Variants in CDH12 observed in about 807,000 individuals in gnomAD.
CDH12 encodes the protein cadherin 12.
A neutral mutation model predicts 74.1 loss-of-function variants in CDH12; 41 were observed. That is an observed-to-expected ratio of 0.55 (90% confidence interval 0.43 to 0.72). The LOEUF (loss-of-function observed/expected upper bound fraction) is 0.72. Ranked by LOEUF, CDH12 falls within the 30% of genes least tolerant of loss-of-function variation. The pLI is 0.00. For synonymous variants in CDH12, 399 were observed against 355.0 expected, an observed-to-expected ratio of 1.12 and a Z score of -1.39; for missense variants, 945 against 977.2, an observed-to-expected ratio of 0.97 and a Z score of 0.44.
rs77887874 is a variant in CDH12, at chr5:22,066,918, C to A, written c.231+11528G>T. ...ACTGCAACTGTTTTGCCAGATGTGG[C>A]TTCATTGCTTGAGAGAATCAGCACA... On this transcript the variant is annotated intron_variant, in intron 5 of 14. Coordinates refer to ENST00000382254, the MANE Select transcript of CDH12 (RefSeq NM_004061.5). Among the ~76,000 whole-genome samples, 426 of 152,250 alleles carry A rather than the reference C, an allele frequency of 2.8e-3. 20 individuals carry two copies. The East Asian group carries it at 0.076, about 27-fold the overall frequency.
At chr5:21,846,996 A>T (rs1750208582) in intron 7 of CDH12, among the ~76,000 whole-genome samples, 1 of 152,144 alleles carries the variant, frequency 6.6e-6, no homozygotes, top group African/African-American at 2.4e-5. Flanking sequence ...TGAGGTTTAT[A>T]GTTCAAAGGA....
intron 6 of CDH12, among the ~76,000 whole-genome samples, chr5:21,899,019 A>G (rs1053686380): frequency 6.6e-5 from 10 of 152,154 alleles, no homozygotes; most frequent in Non-Finnish European, 1.5e-4. Context: ...TCACCTCGCC[A>G]ATATGGTCTT....
At chr5:22,042,195 T>TA (rs938087921) in intron 5 of CDH12, among the ~76,000 whole-genome samples, 15 of 150,938 alleles carry the variant, frequency 9.9e-5, no homozygotes, top group South Asian at 2.1e-4. Flanking sequence ...ATGCCTACAT[T>TA]AAAAAAAAAT....
intron 6 of CDH12, among the ~76,000 whole-genome samples, chr5:21,892,174 T>A (rs1019647706): frequency 6.6e-6 from 1 of 152,194 alleles, no homozygotes; most frequent in Non-Finnish European, 1.5e-5. Context: ...ATGCATAACA[T>A]TTTTTAAATG....
intron 3 of CDH12, among the ~76,000 whole-genome samples, chr5:22,332,836 G>A (rs1739406146): frequency 6.6e-6 from 1 of 152,120 alleles, no homozygotes; most frequent in African/African-American, 2.4e-5. Flanking sequence ...GTGAGGATGT[G>A]GAGAAATAGG....
chr5:22,548,119 T>C (rs911878147), intron 1 of CDH12, among the ~76,000 whole-genome samples: 3 of 152,204 alleles, frequency 2.0e-5, no homozygotes, highest in Non-Finnish European at 4.4e-5. Flanking sequence ...TACAGGTTCA[T>C]TTGTTATTTG....
intron 6 of CDH12, among the ~76,000 whole-genome samples, chr5:21,878,885 AAAAG>A (rs1752091207): frequency 1.3e-5 from 2 of 151,288 alleles, no homozygotes; most frequent in South Asian, 2.1e-4. Context: ...GAAAGAAAGA[AAAAG>A]AAAGAAGAAA....
chr5:22,826,755 G>C (rs999724956), intron 1 of CDH12, among the ~76,000 whole-genome samples: 3 of 152,182 alleles, frequency 2.0e-5, no homozygotes, highest in African/African-American at 4.8e-5. Flanking sequence ...ATCTGAGATT[G>C]AGAAAGATGA....
chr5:21,880,603 CCTTCCTTCCTTCCTTCTTTCTTTCT>C (rs1752240725), intron 6 of CDH12, among the ~76,000 whole-genome samples: 1 of 62,314 alleles, frequency 1.6e-5, no homozygotes, highest in African/African-American at 5.5e-5. Context: ...TTCCTTCCTT[CCTTCCTTCCTTCCTTCTTTCTTTCT>C]TTCTTTCTTT....
At position 22,170,283 on chromosome 5, in the gene CDH12, G is replaced by T. The variant is rs555177428; in HGVS notation, c.-187+42215C>A. On this transcript the variant is annotated intron_variant, in intron 4 of 14. Transcript: ENST00000382254. The stretch of plus-strand genomic sequence containing the variant: ...ATGATCAAAAACTTTAAGTTGTTCT[G>T]ATTTTCTTGATGTATCTTCTAGGTG... 1.1e-3 allele frequency among the ~76,000 whole-genome samples: 160 copies of T among 151,938 alleles called. 1 individual carries two copies. In the South Asian group the frequency reaches 0.028, roughly 26 times the overall value.
intron 6 of CDH12, chr5:21,884,094 G>A: frequency 7.0e-7 from 1 of 1,426,632 alleles, no homozygotes; most frequent in Non-Finnish European, 9.9e-7. Context: ...CTCAGAAGTT[G>A]GTTATGATGC....
chr5:21,768,748 C>T (rs1745161547), intron 11 of CDH12, among the ~76,000 whole-genome samples: 1 of 151,980 alleles, frequency 6.6e-6, no homozygotes, highest in Non-Finnish European at 1.5e-5. Flanking sequence ...CTTACAGTCT[C>T]TTTCAGAAAT....
At chr5:21,775,594 G>T (rs1745541843) in intron 11 of CDH12, among the ~76,000 whole-genome samples, 1 of 151,978 alleles carries the variant, frequency 6.6e-6, no homozygotes. Flanking sequence ...CTATGCCTTT[G>T]CTTAAAATGT....
chr5:22,384,976 A>G (rs1741938463), intron 3 of CDH12, among the ~76,000 whole-genome samples: 1 of 152,208 alleles, frequency 6.6e-6, no homozygotes. Context: ...GTTACAAAAT[A>G]AAAATTATGT....
chr5:21,940,126 C>A lies in CDH12; in HGVS notation c.526+34965G>T, dbSNP rs556891894. 1.8e-3 allele frequency among the ~76,000 whole-genome samples: 271 copies of A among 152,134 alleles called. 3 individuals are homozygous for A. Among genetic ancestry groups the A allele is most frequent in the African/African-American group, 6.0e-3 (248 of 41,486 alleles). On this transcript the variant is annotated intron_variant, in intron 6 of 14. Coordinates refer to ENST00000382254, the MANE Select transcript of CDH12 (RefSeq NM_004061.5). ...TCTGTAATCCCAGCTACTGGGGAGG[C>A]TGAGGTGGGAAAATCACTTGAGCCC...
At chr5:21,761,463 A>T (rs770882393) in intron 12 of CDH12, among the ~76,000 whole-genome samples, 1 of 152,132 alleles carries the variant, frequency 6.6e-6, no homozygotes, top group South Asian at 2.1e-4. Flanking sequence ...GAATTTCAGG[A>T]AGTGTTATGT....
chr5:22,187,848 T>C (rs755315107), intron 4 of CDH12, among the ~76,000 whole-genome samples: 1 of 152,278 alleles, frequency 6.6e-6, no homozygotes, highest in African/African-American at 2.4e-5. Flanking sequence ...GCTGTTCATG[T>C]TGTCACTGTG....
At chr5:21,858,281 T>C (rs1222673116) in intron 6 of CDH12, among the ~76,000 whole-genome samples, 3 of 151,944 alleles carry the variant, frequency 2.0e-5, no homozygotes, top group East Asian at 1.9e-4. Flanking sequence ...TGTAAAATTA[T>C]AGTCATAACA....
intron 5 of CDH12, among the ~76,000 whole-genome samples, chr5:22,041,292 G>A (rs1472771724): frequency 1.3e-5 from 2 of 151,974 alleles, no homozygotes; most frequent in African/African-American, 4.8e-5. Context: ...GAAAGCAACT[G>A]ACAAAATGGC....
Sources: gnomAD v4.1 joint callset for allele counts (sites outside exome capture counted in the v4.1 genomes callset) on GRCh38, gnomAD v4.1.1 for gene constraint, MANE v1.5 for transcripts, NCBI Gene and HGNC (gene_info 2026-07-23, HGNC 2026-07-21) for gene names.